The following WWOX variants were observed in gnomAD, a reference collection of about 807,000 sequenced individuals.
WWOX encodes WW domain containing oxidoreductase, also known as WW domain-containing oxidoreductase.
WWOX carries 69 observed loss-of-function variants against 46.2 expected under a neutral mutation model. The observed-to-expected ratio is 1.49, with a 90% CI of 1.23 to 1.82. The LOEUF is 1.82. WWOX is among the 40% of genes most tolerant of loss of function. WWOX has a pLI of 0.00. For missense variants in WWOX, 919 were observed against 542.6 expected, an observed-to-expected ratio of 1.69 and a Z score of -6.89; for synonymous variants, 359 against 202.6, an observed-to-expected ratio of 1.77 and a Z score of -6.56.
chr16:79,200,314 T>C (rs1335282873), intron 8 of WWOX, among the ~76,000 whole-genome samples: 2 of 152,126 alleles, frequency 1.3e-5, no homozygotes, highest in Non-Finnish European at 2.9e-5. Context: ...GAAATAAGTA[T>C]CCCGCTCTCA....
intron 8 of WWOX, among the ~76,000 whole-genome samples, chr16:78,965,473 G>A (rs2046347484): frequency 6.6e-6 from 1 of 151,958 alleles, no homozygotes; most frequent in Non-Finnish European, 1.5e-5. Flanking sequence ...GGGAGGCTGA[G>A]GCAGGAGAAT....
intron 8 of WWOX, among the ~76,000 whole-genome samples, chr16:78,558,607 G>T (rs924574781): frequency 6.6e-5 from 10 of 152,222 alleles, no homozygotes; most frequent in South Asian, 2.1e-4. Context: ...GGAGATTTCT[G>T]TTATGCTCAT....
intron 8 of WWOX, among the ~76,000 whole-genome samples, chr16:78,752,299 T>G (rs1220885160): frequency 1.3e-5 from 2 of 152,216 alleles, no homozygotes; most frequent in East Asian, 3.9e-4. Flanking sequence ...CTTTCCTTTT[T>G]GTTTTTGACG....
intron 5 of WWOX, among the ~76,000 whole-genome samples, chr16:78,203,650 G>A (rs983039517): frequency 6.6e-6 from 1 of 152,170 alleles, no homozygotes; most frequent in Non-Finnish European, 1.5e-5. Context: ...TGCGACCACA[G>A]GTAGGGAGGA....
chr16:78,603,076 A>C (rs2045661835), intron 8 of WWOX, among the ~76,000 whole-genome samples: 1 of 152,200 alleles, frequency 6.6e-6, no homozygotes, highest in Non-Finnish European at 1.5e-5. Context: ...AACTGCAATC[A>C]GATGTTTTAT....
intron 8 of WWOX, among the ~76,000 whole-genome samples, chr16:79,111,551 C>G (rs1474267490): frequency 6.6e-6 from 1 of 151,984 alleles, no homozygotes; most frequent in Non-Finnish European, 1.5e-5. Flanking sequence ...TTTATGTACT[C>G]TTTTGAAAGA....
At chr16:78,888,749 A>G (rs2044521881) in intron 8 of WWOX, among the ~76,000 whole-genome samples, 1 of 152,184 alleles carries the variant, frequency 6.6e-6, no homozygotes, top group African/African-American at 2.4e-5. Flanking sequence ...TTCCCCTAAA[A>G]TAGCCCAGGG....
intron 8 of WWOX, among the ~76,000 whole-genome samples, chr16:79,076,649 A>G (rs2048663056): frequency 6.6e-6 from 1 of 152,176 alleles, no homozygotes; most frequent in Admixed American, 6.5e-5. Flanking sequence ...GGTAGGCGGT[A>G]TGGGAAGACC....
intron 5 of WWOX, among the ~76,000 whole-genome samples, chr16:78,322,830 G>A (rs1357844282): frequency 1.3e-5 from 2 of 152,194 alleles, no homozygotes; most frequent in African/African-American, 4.8e-5. Flanking sequence ...AAGAAAATGA[G>A]TATGGGAGTG....
chr16:79,006,140 A>C (rs2047185974), intron 8 of WWOX, among the ~76,000 whole-genome samples: 1 of 152,166 alleles, frequency 6.6e-6, no homozygotes, highest in Non-Finnish European at 1.5e-5. Flanking sequence ...CAACAAAGAC[A>C]ATGAGCGCTG....
intron 8 of WWOX, among the ~76,000 whole-genome samples, chr16:79,167,669 A>C (rs1470604726): frequency 6.6e-6 from 1 of 152,242 alleles, no homozygotes; most frequent in Non-Finnish European, 1.5e-5. Flanking sequence ...GATGAGATTC[A>C]AATTCAGGCC....
intron 4 of WWOX, among the ~76,000 whole-genome samples, chr16:78,120,795 T>C (rs1256156657): frequency 6.6e-6 from 1 of 152,202 alleles, no homozygotes; most frequent in African/African-American, 2.4e-5. Flanking sequence ...ATTTTACCAG[T>C]TCTACGTGAA....
chr16:78,232,790 A>T (rs770509220), intron 5 of WWOX, among the ~76,000 whole-genome samples: 1 of 152,206 alleles, frequency 6.6e-6, no homozygotes, highest in Non-Finnish European at 1.5e-5. Context: ...TCTATTATTT[A>T]TCAAGAAATT....
rs138328329 is a variant in WWOX, at chr16:78,309,906, A to T, written c.517-76954A>T. Among the ~76,000 whole-genome samples the T allele has an allele frequency of 6.1e-3, 923 of 152,218 alleles. 13 individuals carry two copies. The highest frequency in any genetic ancestry group is 0.021 in the African/African-American group (888 of 41,538). On this transcript the variant is annotated intron_variant, in intron 5 of 8. Transcript: ENST00000566780. Reference sequence around the variant, plus strand: ...GTTCTCCTATGTAAATAGGGATAATAATTGGATGTATGGCAGGATTTGGGG... The same window carrying T: ...GTTCTCCTATGTAAATAGGGATAATTATTGGATGTATGGCAGGATTTGGGG...
At chr16:78,319,816 C>T (rs1049680727) in intron 5 of WWOX, among the ~76,000 whole-genome samples, 1 of 152,262 alleles carries the variant, frequency 6.6e-6, no homozygotes, top group East Asian at 1.9e-4. Context: ...CTTAGCCTTT[C>T]TTTCAGCCTG....
At chr16:79,116,301 C>G (rs773640369) in intron 8 of WWOX, among the ~76,000 whole-genome samples, 1 of 152,182 alleles carries the variant, frequency 6.6e-6, no homozygotes, top group African/African-American at 2.4e-5. Flanking sequence ...CAAAAGGATT[C>G]TCTGTAGCAT....
intron 8 of WWOX, among the ~76,000 whole-genome samples, chr16:79,169,318 C>T (rs1286741264): frequency 6.6e-5 from 10 of 152,194 alleles, no homozygotes; most frequent in Non-Finnish European, 4.4e-5. Flanking sequence ...ACTTTGATCA[C>T]AAGATCAAGC....
In WWOX at chr16:79,052,968, G is replaced by C. The variant is rs1399211922; in HGVS notation, c.1057-158640G>C. Among the ~76,000 whole-genome samples the C allele has an allele frequency of 2.0e-5, 3 of 150,712 alleles. No homozygotes were observed. In the Admixed American group the frequency reaches 2.0e-4, roughly 10 times the overall value. On this transcript the variant is annotated intron_variant, in intron 8 of 8. Transcript: ENST00000566780. ...CCTGGGAGTATGTTTGTGTATTTGGGGGTTGGGATGGGGGGGTGGGTGGAG... is the reference window on the plus strand; with the variant it reads ...CCTGGGAGTATGTTTGTGTATTTGGCGGTTGGGATGGGGGGGTGGGTGGAG...
chr16:78,740,712 G>A (rs924800763), intron 8 of WWOX, among the ~76,000 whole-genome samples: 5 of 152,078 alleles, frequency 3.3e-5, no homozygotes, highest in Admixed American at 1.3e-4. Flanking sequence ...GCTAGTAATT[G>A]GGGCAAGGGA....
Sources: gnomAD v4.1 joint callset for allele counts (sites outside exome capture counted in the v4.1 genomes callset) on GRCh38, gnomAD v4.1.1 for gene constraint, MANE v1.5 for transcripts, NCBI Gene and HGNC (gene_info 2026-07-23, HGNC 2026-07-21) for gene names.